ZDHHC8: variants seen among roughly 807,000 people sequenced by gnomAD.
ZDHHC8 encodes the protein zDHHC palmitoyltransferase 8.
Under a neutral mutation model 61.2 loss-of-function variants are expected in ZDHHC8, and 24 were observed. The observed-to-expected ratio is 0.39, with a 90% confidence interval of 0.28 to 0.55. ZDHHC8 has a LOEUF of 0.55. Among genes scored for constraint, ZDHHC8 ranks in the 20% least tolerant of loss-of-function variants. The probability of loss-of-function intolerance (pLI) is 0.60; values close to 1 mark genes in which losing one functional copy is unlikely to be tolerated. For missense variants in ZDHHC8, 935 were observed against 1,102.1 expected (o/e 0.85, Z 2.15); for synonymous variants, 523 against 492.5 (o/e 1.06, Z -0.82).
chr22:20,140,809 A>G (rs911738878), intron 6 of ZDHHC8, 62 bp from the exon 7 acceptor site: 11 of 1,598,254 alleles, frequency 6.9e-6, no homozygotes, highest in Non-Finnish European at 9.3e-6. Context: ...AGGTATGGCC[A>G]GCCCTGCCCT....
rs1006416958 is a variant in ZDHHC8 at position 20,147,131 on chromosome 22, G to C, written c.*1731G>C. 6.5e-7 allele frequency: 1 copy of C among 1,533,984 alleles called. No individual in the cohort carries two copies. Among genetic ancestry groups the C allele is most frequent in the African/African-American group, 1.4e-5 (1 of 71,980 alleles). ...CGCCCGGAGGACCGCCCACCACTGCGGGCCCCCTGGAGCCAGGCCGCCGGG... is the reference window on the plus strand; with the variant it reads ...CGCCCGGAGGACCGCCCACCACTGCCGGCCCCCTGGAGCCAGGCCGCCGGG... On this transcript the variant is annotated 3_prime_UTR_variant, in exon 11 of 11. Coordinates refer to ENST00000334554, the MANE Select transcript of ZDHHC8 (RefSeq NM_013373.4).
chr22:20,143,457 C>T lies in ZDHHC8; in HGVS notation c.1827C>T (p.Asp609=). The change falls in exon 10 of 11, where the codon GAC becomes GAT. Residue 609 remains aspartate (D), a synonymous_variant. Transcript: ENST00000334554. The part of the protein sequence containing the change: ...GPALRYGSRD[D]LVAGPGFGGA... Reference sequence around the variant, plus strand: ...CGCTGCGCTATGGCTCCAGAGACGACCTTGTGGCTGGGCCCGGCTTCGGTG... The same window carrying T: ...CGCTGCGCTATGGCTCCAGAGACGATCTTGTGGCTGGGCCCGGCTTCGGTG... 1 of 1,601,078 alleles carries T rather than the reference C, an allele frequency of 6.2e-7. No homozygotes were observed. The highest frequency in any genetic ancestry group is 8.5e-7 in the Non-Finnish European group (1 of 1,179,444).
Position 20,147,455 on chromosome 22 carries a change from G to T in ZDHHC8, c.*2055G>T. 2.2e-6 allele frequency: 1 copy of T among 460,014 alleles called. No individual in the cohort carries two copies. The highest frequency in any genetic ancestry group is 3.7e-6 in the Non-Finnish European group (1 of 268,248). The allele number at this position is 460,014 out of a possible 1,614,324, so 28.5% of individuals were successfully genotyped here. A position where few individuals can be genotyped will look rare whatever the true frequency, so the allele number is the denominator to read the frequency against. ...AGGGGGTCCAGCACCCCACAGGGGG[G>T]CAGTCCCAGAGCTGTGGGGACCGGC... On this transcript the variant is annotated 3_prime_UTR_variant, in exon 11 of 11. Transcript: ENST00000334554.
intron 1 of ZDHHC8, among the ~76,000 whole-genome samples, chr22:20,136,180 C>T (rs967068292): frequency 6.6e-6 from 1 of 152,176 alleles, no homozygotes; most frequent in African/African-American, 2.4e-5. Context: ...ACATGGCGGG[C>T]CAGACACTCC....
chr22:20,132,298 G>A (rs1039611531), intron 1 of ZDHHC8, among the ~76,000 whole-genome samples: 2 of 152,236 alleles, frequency 1.3e-5, no homozygotes, highest in African/African-American at 4.8e-5. Flanking sequence ...GGCACCTCGG[G>A]AGTGTCCAGG....
rs556595444 is a variant in ZDHHC8, at chr22:20,138,098, A to C, written c.105-1096A>C. 2.0e-4 allele frequency among the ~76,000 whole-genome samples: 31 copies of C among 152,376 alleles called. No individual in the cohort carries two copies. In the East Asian group the frequency reaches 5.6e-3, roughly 28 times the overall value. On this transcript the variant is annotated intron_variant, in intron 1 of 10. Transcript: ENST00000334554. Reference sequence around the variant, plus strand: ...GGGGCGGCGGGGCTGGCTCTTGGCCAGGCGGGCGTGGGTGCAGCAGCGTGG... The same window carrying C: ...GGGGCGGCGGGGCTGGCTCTTGGCCCGGCGGGCGTGGGTGCAGCAGCGTGG...
Position 20,146,006 on chromosome 22 carries a change from C to T in ZDHHC8, c.*606C>T, listed in dbSNP as rs771301474. On this transcript the variant is annotated 3_prime_UTR_variant, in exon 11 of 11. Transcript: ENST00000334554. ...AGACGGCCAGCCAGCCAGCTGTGGCCGGGGGCCCGGCTCCATGTGTCCCGT... is the reference window on the plus strand; with the variant it reads ...AGACGGCCAGCCAGCCAGCTGTGGCTGGGGGCCCGGCTCCATGTGTCCCGT... 41 of 985,876 alleles carry T rather than the reference C, an allele frequency of 4.2e-5. No individual in the cohort carries two copies. Among genetic ancestry groups the T allele is most frequent in the East Asian group, 1.1e-4 (1 of 8,814 alleles). The allele number at this position is 985,876 out of a possible 1,614,324, so 61.1% of individuals were successfully genotyped here. A position where few individuals can be genotyped will look rare whatever the true frequency, so the allele number is the denominator to read the frequency against.
rs201354047 is a variant in ZDHHC8, at chr22:20,142,992, G to C, written c.1362G>C (p.Glu454Asp). 2 of 1,603,378 alleles carry C rather than the reference G, an allele frequency of 1.2e-6. No homozygotes were observed. The highest frequency in any genetic ancestry group is 1.1e-5 in the South Asian group (1 of 90,354). ...DHVALQPLRS[E>D]GGPPTPHRSI... ...TGGCCCTGCAGCCCCTGCGCTCTGA[G>C]GGGGGGCCCCCCACGCCCCACCGTA... The change falls in exon 10 of 11, where the codon GAG (glutamate) becomes GAC (aspartate). Residue 454 changes from glutamate to aspartate, a missense_variant. Physicochemically the swap from Glu to Asp is conservative, Grantham distance 45. Transcript: ENST00000334554.
chr22:20,147,557 C>G lies in ZDHHC8; in HGVS notation c.*2157C>G, dbSNP rs1194061880. ...TTCCTCCTCGGGGAGCCCAGGCCTC[C>G]GTGGGTTGGGCTGGGTGGGGGGGGG... On this transcript the variant is annotated 3_prime_UTR_variant, in exon 11 of 11. Transcript: ENST00000334554. The G allele has an allele frequency of 7.3e-6, 1 of 136,964 alleles. No individual in the cohort carries two copies. The highest frequency in any genetic ancestry group is 1.6e-5 in the Non-Finnish European group (1 of 62,792). 8.5% of individuals were successfully genotyped at this position (136,964 alleles called of 1,614,324 possible). A position where few individuals can be genotyped will look rare whatever the true frequency, so the allele number is the denominator to read the frequency against.
intron 1 of ZDHHC8, among the ~76,000 whole-genome samples, chr22:20,136,996 A>G (rs796818191): frequency 6.6e-6 from 1 of 152,218 alleles, no homozygotes; most frequent in East Asian, 1.9e-4. Flanking sequence ...CCTGTTAGGC[A>G]GGATCTGACC....
Position 20,140,923 on chromosome 22 carries a change from T to A in ZDHHC8, c.805T>A (p.Phe269Ile). The change falls in exon 7 of 11, where the codon TTC (phenylalanine) becomes ATC (isoleucine). Residue 269 changes from phenylalanine (F) to isoleucine (I), a missense_variant. Physicochemically the swap from Phe to Ile is conservative, Grantham distance 21. This residue lies in a region of ZDHHC8 where 692 missense variants were observed against 731.4 expected (regional missense o/e 0.95). Coordinates refer to ENST00000334554, the MANE Select transcript of ZDHHC8 (RefSeq NM_013373.4). Reference protein sequence around the residue: ...LPLAVSLKPPFLRPELLDRAA... With the variant: ...LPLAVSLKPPILRPELLDRAA... Reference sequence around the variant, plus strand: ...GCTCGCGGTGAGTTTGAAGCCGCCTTTCCTTAGGCCTGAACTCCTGGACCG... The same window carrying A: ...GCTCGCGGTGAGTTTGAAGCCGCCTATCCTTAGGCCTGAACTCCTGGACCG... 1 of 1,608,556 alleles carries A rather than the reference T, an allele frequency of 6.2e-7. No individual in the cohort carries two copies.
intron 1 of ZDHHC8, among the ~76,000 whole-genome samples, chr22:20,132,944 CAT>C (rs2050390125): frequency 1.3e-5 from 2 of 152,214 alleles, no homozygotes; most frequent in Non-Finnish European, 2.9e-5. Context: ...GGGGTTGAGA[CAT>C]AGCCCAGGTG....
In ZDHHC8 at chr22:20,133,721, CAA is replaced by C. The variant is rs34467871; in HGVS notation, c.104+1688_104+1689del. Among the ~76,000 whole-genome samples the C allele has an allele frequency of 9.5e-4, 69 of 72,600 alleles. 1 individual carries two copies. The highest frequency in any genetic ancestry group is 3.1e-3 in the Admixed American group (21 of 6,834). 47.6% of individuals were successfully genotyped at this position (72,600 alleles called of 152,430 possible). ...TGGGTGACAGAGCAAGACTCTGTCT[CAA>C]AAAAAAAAAAAAAAAAAGTATGTTC... On this transcript the variant is annotated intron_variant, in intron 1 of 10. Coordinates refer to ENST00000334554, the MANE Select transcript of ZDHHC8 (RefSeq NM_013373.4).
rs2050446438 is a variant in ZDHHC8 at position 20,139,297 on chromosome 22, C to T, written c.208C>T (p.Pro70Ser). The T allele has an allele frequency of 6.2e-7, 1 of 1,613,678 alleles. No homozygotes were observed. The highest frequency in any genetic ancestry group is 1.7e-5 in the Admixed American group (1 of 59,984). Reference sequence around the variant, plus strand: ...CTTCAGCATGGCCACTTTCATGGACCCTGGTGTTTTCCCCCGAGGTAGGGC... The same window carrying T: ...CTTCAGCATGGCCACTTTCATGGACTCTGGTGTTTTCCCCCGAGGTAGGGC... ...ANFSMATFMD[P>S]GVFPRADEDE... The change falls in exon 2 of 11, where the codon CCT becomes TCT. Residue 70 changes from proline (P) to serine (S), a missense_variant. Coordinates refer to ENST00000334554, the MANE Select transcript of ZDHHC8 (RefSeq NM_013373.4).
intron 1 of ZDHHC8, among the ~76,000 whole-genome samples, chr22:20,134,084 G>A (rs1053842684): frequency 3.9e-5 from 6 of 152,244 alleles, no homozygotes; most frequent in Non-Finnish European, 7.3e-5. Flanking sequence ...CTGGGGCAGT[G>A]CAGGCCATGC....
intron 1 of ZDHHC8, among the ~76,000 whole-genome samples, chr22:20,137,104 A>T (rs1289607296): frequency 6.6e-6 from 1 of 152,194 alleles, no homozygotes; most frequent in East Asian, 1.9e-4. Context: ...AAGCCTCCCC[A>T]ACCCCTGGAT....
At position 20,146,632 on chromosome 22, in the gene ZDHHC8, C is replaced by A; in HGVS notation, c.*1232C>A. 1 of 1,005,208 alleles carries A rather than the reference C, an allele frequency of 9.9e-7. No homozygotes were observed. The highest frequency in any genetic ancestry group is 1.2e-6 in the Non-Finnish European group (1 of 843,528). 62.3% of individuals were successfully genotyped at this position (1,005,208 alleles called of 1,614,324 possible). A position where few individuals can be genotyped will look rare whatever the true frequency, so the allele number is the denominator to read the frequency against. ...GAGTCAGAGGCTTGGGAAGAGGGGG[C>A]GGCCGATGGTCTGTGGCTGGGAAGT... is the stretch of plus-strand genomic sequence containing the variant. On this transcript the variant is annotated 3_prime_UTR_variant, in exon 11 of 11. Coordinates refer to ENST00000334554, the MANE Select transcript of ZDHHC8 (RefSeq NM_013373.4).
At chr22:20,132,435 C>T (rs1376687143) in intron 1 of ZDHHC8, among the ~76,000 whole-genome samples, 1 of 152,234 alleles carries the variant, frequency 6.6e-6, no homozygotes, top group Non-Finnish European at 1.5e-5. Context: ...CATGAGTCTT[C>T]TCTGCAGGTG....
At chr22:20,132,932 CTG>C (rs1195249504) in intron 1 of ZDHHC8, among the ~76,000 whole-genome samples, 1 of 152,220 alleles carries the variant, frequency 6.6e-6, no homozygotes. Flanking sequence ...TTCCACCAAT[CTG>C]GGGTTGAGAC....
Sources: allele counts gnomAD v4.1 joint callset (sites outside exome capture counted in the v4.1 genomes callset), GRCh38; gene constraint gnomAD v4.1.1; regional missense constraint gnomAD v4.1.1; transcripts MANE v1.5; gene names NCBI Gene and HGNC (gene_info 2026-07-23, HGNC 2026-07-21).